Variants in CDH13 observed in about 807,000 individuals in gnomAD.
The protein encoded by CDH13 is cadherin-13.
In CDH13, 24 loss-of-function variants were observed where a neutral mutation model predicts 63.8. The ratio of observed to expected loss-of-function variants is 0.38; its 90% CI spans 0.27 to 0.53. The LOEUF (loss-of-function observed/expected upper bound fraction) is 0.53, where lower values mean the gene tolerates loss of function less well. Among genes scored for constraint, CDH13 ranks in the 20% least tolerant of loss-of-function variants. The probability of loss-of-function intolerance (pLI) is 0.85; values close to 1 mark genes in which losing one functional copy is unlikely to be tolerated. For synonymous variants in CDH13, 503 were observed against 355.3 expected (o/e 1.42, Z -4.67); for missense variants, 1,049 against 903.1 (o/e 1.16, Z -2.07).
chr16:83,580,744 C>T (rs992042935), intron 7 of CDH13, among the ~76,000 whole-genome samples: 6 of 151,948 alleles, frequency 3.9e-5, no homozygotes, highest in African/African-American at 9.7e-5. Flanking sequence ...TGATTCTGCC[C>T]GCCTCCCAAA....
intron 3 of CDH13, among the ~76,000 whole-genome samples, chr16:83,056,968 T>C (rs1158021659): frequency 1.3e-5 from 2 of 151,918 alleles, no homozygotes; most frequent in East Asian, 1.9e-4. Context: ...CTCTTTTTTG[T>C]TTGTTTGTTT....
chr16:83,510,663 C>T (rs2074535672), intron 7 of CDH13, among the ~76,000 whole-genome samples: 1 of 152,168 alleles, frequency 6.6e-6, no homozygotes, highest in Admixed American at 6.5e-5. Flanking sequence ...CTCTCAACAC[C>T]AATGTTTCAT....
intron 1 of CDH13, among the ~76,000 whole-genome samples, chr16:82,820,755 A>G (rs900633725): frequency 3.3e-5 from 5 of 152,234 alleles, no homozygotes; most frequent in African/African-American, 1.2e-4. Context: ...GTCTGAAAAG[A>G]CATTCTTTAT....
chr16:83,369,635 G>C (rs1002088160), intron 6 of CDH13, among the ~76,000 whole-genome samples: 3 of 152,000 alleles, frequency 2.0e-5, no homozygotes, highest in African/African-American at 7.2e-5. Flanking sequence ...GTGTTGCCGA[G>C]GTTGGTCTCA....
intron 6 of CDH13, among the ~76,000 whole-genome samples, chr16:83,422,454 TAATG>T (rs1392199780): frequency 2.6e-5 from 4 of 152,338 alleles, no homozygotes; most frequent in African/African-American, 9.6e-5. Context: ...GTCTTTGAGA[TAATG>T]AATCATCTGG....
chr16:82,963,330 G>T (rs1339153724), intron 2 of CDH13, among the ~76,000 whole-genome samples: 1 of 152,166 alleles, frequency 6.6e-6, no homozygotes, highest in Non-Finnish European at 1.5e-5. Context: ...GGTGGACCAA[G>T]AATGCACCAT....
chr16:83,734,380 T>C (rs1048886608), intron 10 of CDH13, among the ~76,000 whole-genome samples: 1 of 152,042 alleles, frequency 6.6e-6, no homozygotes, highest in African/African-American at 2.4e-5. Context: ...CTCAAATCCA[T>C]CTCTGAAATG....
chr16:83,287,320 G>A (rs867454963), intron 5 of CDH13, among the ~76,000 whole-genome samples: 13 of 152,254 alleles, frequency 8.5e-5, no homozygotes, highest in South Asian at 4.2e-4. Flanking sequence ...CCTCAACCAC[G>A]GGCCACAGGC....
At chr16:83,337,185 C>T (rs114576466) in intron 5 of CDH13, among the ~76,000 whole-genome samples, 2,056 of 152,280 alleles carry the variant, frequency 0.014, 46 homozygotes, top group African/African-American at 0.044. Context: ...CATTGTTTTG[C>T]GTACTGTGAC....
chr16:83,348,700 C>T (rs9921460), intron 6 of CDH13, among the ~76,000 whole-genome samples: 3,298 of 152,280 alleles, frequency 0.022, 118 homozygotes, highest in African/African-American at 0.076. Flanking sequence ...CTATTTAACA[C>T]GGTGTGATAT....
At chr16:82,841,939 A>C (rs1015813320) in intron 1 of CDH13, among the ~76,000 whole-genome samples, 2 of 151,630 alleles carry the variant, frequency 1.3e-5, no homozygotes, top group African/African-American at 4.9e-5. Flanking sequence ...TATGCCCTGG[A>C]CATTGTCAAA....
intron 3 of CDH13, among the ~76,000 whole-genome samples, chr16:83,038,306 G>A (rs1917042914): frequency 6.6e-6 from 1 of 152,054 alleles, no homozygotes. Context: ...AAATCTGTGA[G>A]GTCTGATTGT....
At chr16:83,241,639 A>G (rs1199104799) in intron 5 of CDH13, among the ~76,000 whole-genome samples, 1 of 152,140 alleles carries the variant, frequency 6.6e-6, no homozygotes, top group East Asian at 1.9e-4. Flanking sequence ...TCCTTGGAGA[A>G]TTATCTATTC....
chr16:82,718,721 C>A (rs1010042969), intron 1 of CDH13, among the ~76,000 whole-genome samples: 2 of 152,072 alleles, frequency 1.3e-5, no homozygotes, highest in Non-Finnish European at 2.9e-5. Flanking sequence ...GGAAACTCCC[C>A]TTTATAAACA....
chr16:82,827,704 C>T (rs1468735449), intron 1 of CDH13, among the ~76,000 whole-genome samples: 1 of 152,104 alleles, frequency 6.6e-6, no homozygotes, highest in Non-Finnish European at 1.5e-5. Context: ...CCTAAAATGG[C>T]TTCATAAAGA....
intron 6 of CDH13, among the ~76,000 whole-genome samples, chr16:83,351,418 G>C (rs1047586163): frequency 6.6e-6 from 1 of 151,894 alleles, no homozygotes; most frequent in Non-Finnish European, 1.5e-5. Context: ...ATTTTAGTGA[G>C]TGCAGTTCTG....
intron 5 of CDH13, among the ~76,000 whole-genome samples, chr16:83,230,367 C>CTTT (rs1298573153): frequency 6.6e-6 from 1 of 152,128 alleles, no homozygotes; most frequent in Non-Finnish European, 1.5e-5. Context: ...CATGAAGTAT[C>CTTT]TTTCTCTTGG....
intron 1 of CDH13, among the ~76,000 whole-genome samples, chr16:82,762,763 G>T (rs963652288): frequency 5.3e-5 from 8 of 152,216 alleles, no homozygotes; most frequent in Non-Finnish European, 1.0e-4. Flanking sequence ...GGAGAAAGAG[G>T]AAGAGAAGAG....
chr16:83,771,714 C>G (rs532780165), intron 11 of CDH13, among the ~76,000 whole-genome samples: 19 of 152,290 alleles, frequency 1.2e-4, no homozygotes, highest in South Asian at 8.3e-4. Flanking sequence ...ATCTCTCAGT[C>G]AAGAGTGACA....
Sources: allele counts gnomAD v4.1 joint callset (sites outside exome capture counted in the v4.1 genomes callset), GRCh38; gene constraint gnomAD v4.1.1; transcripts MANE v1.5; gene names NCBI Gene and HGNC (gene_info 2026-07-23, HGNC 2026-07-21).